The following DDIT4 variants were observed in gnomAD, a reference collection of about 807,000 sequenced individuals.
The protein encoded by DDIT4 is DNA damage inducible transcript 4, also known as DNA damage-inducible transcript 4 protein.
A neutral mutation model predicts 20.2 loss-of-function variants in DDIT4; 20 were observed. The observed-to-expected ratio is 0.99, with a 90% CI of 0.70 to 1.44. DDIT4 has a LOEUF of 1.44. Among genes scored for constraint, DDIT4 ranks in the 40% most tolerant of loss-of-function variants. The pLI, the probability that DDIT4 is intolerant of heterozygous loss-of-function variation, is 0.00. For synonymous variants in DDIT4, 152 were observed against 144.6 expected, an observed-to-expected ratio of 1.05 and a Z score of -0.37; for missense variants, 316 against 298.1, an observed-to-expected ratio of 1.06 and a Z score of -0.44.
intron 2 of DDIT4, 136 bp downstream of exon 2, chr10:72,274,557 G>A (rs1860803642): frequency 7.0e-7 from 1 of 1,419,184 alleles, no homozygotes; most frequent in African/African-American, 1.4e-5. Context: ...GGGAATTGGA[G>A]TATAAGGTGA....
chr10:72,274,807 G>T lies in DDIT4; in HGVS notation c.318G>T (p.Gln106His), dbSNP rs1805677927. The T allele has an allele frequency of 6.2e-7, 1 of 1,613,682 alleles. No homozygotes were observed. Among genetic ancestry groups the T allele is most frequent in the South Asian group, 1.1e-5 (1 of 91,086 alleles). ...AGCTGCTGCAGGAGAGCCTGGCCCA[G>T]GCGCGGCTGGGCTCTCGACGCCCTG... is the stretch of plus-strand genomic sequence containing the variant. ...LMQLLQESLA[Q>H]ARLGSRRPAR... The change falls in exon 3 of 3, where the codon CAG becomes CAT. Residue 106 changes from glutamine to histidine, a missense_variant. Coordinates refer to ENST00000307365, the MANE Select transcript of DDIT4 (RefSeq NM_019058.4).
rs1564804824 is a variant in DDIT4, at chr10:72,274,916, C to T, written c.427C>T (p.Arg143Trp). The change falls in exon 3 of 3, where the codon CGG becomes TGG. Residue 143 changes from arginine to tryptophan, a missense_variant. Coordinates refer to ENST00000307365, the MANE Select transcript of DDIT4 (RefSeq NM_019058.4). ...GGCCTACAGCGAGCCGTGCGGCCTG[C>T]GGGGGGCGCTGCTGGACGTCTGCGT... ...RLAYSEPCGL[R>W]GALLDVCVEQ... The T allele has an allele frequency of 3.1e-6, 5 of 1,612,404 alleles. No individual in the cohort carries two copies. Among genetic ancestry groups the T allele is most frequent in the Non-Finnish European group, 3.4e-6 (4 of 1,179,854 alleles).
chr10:72,273,989 GCACGGGTT>G lies in DDIT4; in HGVS notation c.-130_-123del. ...GGGTCTGGGCGGCTCTCGGTGGTTG[GCACGGGTT>G]CGCACACCCATTCAAGCGGCAGGAC... On this transcript the variant is annotated 5_prime_UTR_variant, in exon 1 of 3. Transcript: ENST00000307365. The G allele has an allele frequency of 2.1e-6, 1 of 473,132 alleles. No homozygotes were observed. Among genetic ancestry groups the G allele is most frequent in the South Asian group, 3.1e-5 (1 of 31,772 alleles). 29.3% of individuals were successfully genotyped at this position (473,132 alleles called of 1,614,324 possible).
chr10:72,274,933 C>A lies in DDIT4; in HGVS notation c.444C>A (p.Asp148Glu). 1 of 1,612,572 alleles carries A rather than the reference C, an allele frequency of 6.2e-7. No individual in the cohort carries two copies. Residue 148 changes from aspartate (D) to glutamate (E), a missense_variant, in exon 3 of 3, where the codon GAC becomes GAA. Physicochemically the swap from Asp to Glu is conservative, Grantham distance 45. Coordinates refer to ENST00000307365, the MANE Select transcript of DDIT4 (RefSeq NM_019058.4). ...GCGGCCTGCGGGGGGCGCTGCTGGA[C>A]GTCTGCGTGGAGCAGGGCAAGAGCT... The part of the protein sequence containing the change: ...EPCGLRGALL[D>E]VCVEQGKSCH...
At chr10:72,274,094 T>C (rs1224105667) in intron 1 of DDIT4, 34 bp downstream of exon 1, 4 of 782,040 alleles carry the variant, frequency 5.1e-6, no homozygotes, top group African/African-American at 1.8e-5. Context: ...GTCCTAGAGC[T>C]CGCGGTCTGG....
rs1860796987 is a variant in DDIT4 at position 72,274,151 on chromosome 10, T to G, written c.-60-6T>G. On this transcript the variant is annotated splice_region_variant and splice_polypyrimidine_tract_variant and intron_variant, in intron 1 of 2. Transcript: ENST00000307365. ...ACGCCTGGTCGGTCCCCCTCTTGTCTTACAGCGGCTTCTACGCTCCGGCAC... is the reference window on the plus strand; with the variant it reads ...ACGCCTGGTCGGTCCCCCTCTTGTCGTACAGCGGCTTCTACGCTCCGGCAC... 7.5e-7 allele frequency: 1 copy of G among 1,337,510 alleles called. No homozygotes were observed. The highest frequency in any genetic ancestry group is 1.7e-5 in the Admixed American group (1 of 59,646). The allele number at this position is 1,337,510 out of a possible 1,614,324, so 82.9% of individuals were successfully genotyped here.
At position 72,275,146 on chromosome 10, in the gene DDIT4, G is replaced by A. The variant is rs1235805992; in HGVS notation, c.657G>A (p.Lys219=). The A allele has an allele frequency of 3.1e-6, 5 of 1,612,794 alleles. No homozygotes were observed. The highest frequency in any genetic ancestry group is 4.2e-6 in the Non-Finnish European group (5 of 1,180,008). ...GCACTGGCTTCCGAGTCATCAAGAA[G>A]AAGCTGTACAGCTCGGAACAGCTGC... The part of the protein sequence containing the change: ...TLSTGFRVIK[K]KLYSSEQLLI... The change falls in exon 3 of 3, where the codon AAG becomes AAA. Residue 219 remains lysine (K), a synonymous_variant. Coordinates refer to ENST00000307365, the MANE Select transcript of DDIT4 (RefSeq NM_019058.4).
In DDIT4 at chr10:72,274,206, C is replaced by T. The variant is rs759734369; in HGVS notation, c.-11C>T. The T allele has an allele frequency of 6.2e-7, 1 of 1,609,470 alleles. No homozygotes were observed. The highest frequency in any genetic ancestry group is 1.1e-5 in the South Asian group (1 of 90,976). ...AGTTCATCAGCAAACGCCCTGGCGT[C>T]TGTCCTCACCATGCCTAGCCTTTGG... On this transcript the variant is annotated 5_prime_UTR_variant, in exon 2 of 3. Coordinates refer to ENST00000307365, the MANE Select transcript of DDIT4 (RefSeq NM_019058.4).
In DDIT4 at chr10:72,274,984, C is replaced by G. The variant is rs780410278; in HGVS notation, c.495C>G (p.Leu165=). The change falls in exon 3 of 3, where the codon CTC becomes CTG. Residue 165 remains leucine (L), a synonymous_variant. Transcript: ENST00000307365. ...KSCHSVGQLA[L]DPSLVPTFQL... The stretch of plus-strand genomic sequence containing the variant: ...GCCACAGCGTGGGCCAGCTGGCACT[C>G]GACCCCAGCCTGGTGCCCACCTTCC... The G allele has an allele frequency of 6.2e-7, 1 of 1,613,226 alleles. No homozygotes were observed. The highest frequency in any genetic ancestry group is 1.1e-5 in the South Asian group (1 of 91,082).
In DDIT4 at chr10:72,274,157, C is replaced by A. The variant is rs1343535103; in HGVS notation, c.-60C>A. On this transcript the variant is annotated splice_region_variant and 5_prime_UTR_variant, in exon 2 of 3. Transcript: ENST00000307365. The stretch of plus-strand genomic sequence containing the variant: ...GGTCGGTCCCCCTCTTGTCTTACAG[C>A]GGCTTCTACGCTCCGGCACTCTGAG... The A allele has an allele frequency of 3.7e-6, 5 of 1,366,370 alleles. No individual in the cohort carries two copies. The highest frequency in any genetic ancestry group is 2.3e-5 in the East Asian group (1 of 43,798). 84.6% of individuals were successfully genotyped at this position (1,366,370 alleles called of 1,614,324 possible).
At chr10:72,274,464 A>C in intron 2 of DDIT4, 43 bp downstream of exon 2, 1 of 1,508,390 alleles carries the variant, frequency 6.6e-7, no homozygotes, top group Non-Finnish European at 8.8e-7. Flanking sequence ...GGGGCCGGGA[A>C]GGTGGGGAAG....
chr10:72,274,641 G>C (rs1860804991), intron 2 of DDIT4, 54 bp from the exon 3 acceptor site: 1 of 1,541,944 alleles, frequency 6.5e-7, no homozygotes, highest in Non-Finnish European at 8.7e-7. Context: ...CCCCGCCTGT[G>C]CGTTTCGTTT....
chr10:72,275,246 G>A lies in DDIT4; in HGVS notation c.*58G>A. The stretch of plus-strand genomic sequence containing the variant: ...AAGACAGAGACGACTGAACTTTTGG[G>A]GTGGAGACTAGAGGCAGGAGCTGAG... On this transcript the variant is annotated 3_prime_UTR_variant, in exon 3 of 3. Transcript: ENST00000307365. 6.5e-7 allele frequency: 1 copy of A among 1,537,748 alleles called. No homozygotes were observed. The highest frequency in any genetic ancestry group is 8.7e-7 in the Non-Finnish European group (1 of 1,149,134).
chr10:72,274,176 C>T lies in DDIT4; in HGVS notation c.-41C>T, dbSNP rs1480393366. The T allele has an allele frequency of 2.6e-6, 4 of 1,521,770 alleles. No homozygotes were observed. Among genetic ancestry groups the T allele is most frequent in the South Asian group, 1.1e-5 (1 of 89,294 alleles). 94.3% of individuals were successfully genotyped at this position (1,521,770 alleles called of 1,614,324 possible). On this transcript the variant is annotated 5_prime_UTR_variant, in exon 2 of 3. Transcript: ENST00000307365. ...TTACAGCGGCTTCTACGCTCCGGCA[C>T]TCTGAGTTCATCAGCAAACGCCCTG...
At chr10:72,274,548 G>A (rs1336467122) in intron 2 of DDIT4, 127 bp downstream of exon 2, 7 of 1,410,452 alleles carry the variant, frequency 5.0e-6, no homozygotes, top group Non-Finnish European at 6.7e-6. Context: ...GGGGGCAGGG[G>A]GAATTGGAGT....
chr10:72,275,039 C>T lies in DDIT4; in HGVS notation c.550C>T (p.Arg184Ter). 3 of 1,613,566 alleles carry T rather than the reference C, an allele frequency of 1.9e-6. No individual in the cohort carries two copies. Among genetic ancestry groups the T allele is most frequent in the Non-Finnish European group, 2.5e-6 (3 of 1,179,972 alleles). ...QLTLVLRLDSRLWPKIQGLFS... is the reference protein window; with the variant it reads ...QLTLVLRLDS ...GACCCTCGTGCTGCGCCTGGACTCA[C>T]GACTCTGGCCCAAGATCCAGGGGCT... is the stretch of plus-strand genomic sequence containing the variant. Residue 184 changes from arginine to a stop codon, truncating the protein, a stop_gained, in exon 3 of 3, where the codon CGA (arginine) becomes TGA (stop). Coordinates refer to ENST00000307365, the MANE Select transcript of DDIT4 (RefSeq NM_019058.4). LOFTEE classifies it high-confidence loss of function.
Position 72,274,906 on chromosome 10 carries a change from G to A in DDIT4, c.417G>A (p.Pro139=), listed in dbSNP as rs1467928573. 1.9e-6 allele frequency: 3 copies of A among 1,612,726 alleles called. No individual in the cohort carries two copies. The highest frequency in any genetic ancestry group is 2.5e-6 in the Non-Finnish European group (3 of 1,179,876). Residue 139 remains proline, a synonymous_variant, in exon 3 of 3, where the codon CCG becomes CCA. Transcript: ENST00000307365. ...KELLRLAYSE[P]CGLRGALLDV... is the part of the protein sequence containing the mutation. ...TACTGCGCCTGGCCTACAGCGAGCC[G>A]TGCGGCCTGCGGGGGGCGCTGCTGG...
rs1407204336 is a variant in DDIT4, at chr10:72,275,130, T to G, written c.641T>G (p.Phe214Cys). 6.2e-7 allele frequency: 1 copy of G among 1,613,026 alleles called. No individual in the cohort carries two copies. Among genetic ancestry groups the G allele is most frequent in the Non-Finnish European group, 8.5e-7 (1 of 1,179,978 alleles). The change falls in exon 3 of 3, where the codon TTC becomes TGC. Residue 214 changes from phenylalanine to cysteine, a missense_variant. Phe to Cys is a radical substitution (Grantham distance 205). Coordinates refer to ENST00000307365, the MANE Select transcript of DDIT4 (RefSeq NM_019058.4). The stretch of plus-strand genomic sequence containing the variant: ...CAGTCCCTGACGCTGAGCACTGGCT[T>G]CCGAGTCATCAAGAAGAAGCTGTAC... ...FSQSLTLSTG[F>C]RVIKKKLYSS...
Position 72,275,773 on chromosome 10 carries a change from T to G in DDIT4, c.*585T>G, listed in dbSNP as rs1271690329. 1 of 152,764 alleles carries G rather than the reference T, an allele frequency of 6.5e-6. No homozygotes were observed. The highest frequency in any genetic ancestry group is 1.9e-4 in the East Asian group (1 of 5,182). 9.5% of individuals were successfully genotyped at this position (152,764 alleles called of 1,614,324 possible). On this transcript the variant is annotated 3_prime_UTR_variant, in exon 3 of 3. Coordinates refer to ENST00000307365, the MANE Select transcript of DDIT4 (RefSeq NM_019058.4). ...GAAGGGGTGGGTGTCAGGGATCACT[T>G]GGGATCTTTGACACTTGAAAAATTA...
Sources: gnomAD v4.1 joint callset for allele counts on GRCh38, gnomAD v4.1.1 for gene constraint, MANE v1.5 for transcripts, NCBI Gene and HGNC (gene_info 2026-07-23, HGNC 2026-07-21) for gene names.